CNTNAP5: variants seen among roughly 807,000 people sequenced by gnomAD.
CNTNAP5 encodes the protein contactin associated protein family member 5.
In CNTNAP5, 72 loss-of-function variants were observed where a neutral mutation model predicts 150.2. The observed-to-expected ratio is 0.48, with a 90% CI of 0.40 to 0.58. The LOEUF is 0.58. Among genes scored for constraint, CNTNAP5 ranks in the 20% least tolerant of loss-of-function variants. The pLI is 0.00. For synonymous variants in CNTNAP5, 672 were observed against 619.8 expected, an observed-to-expected ratio of 1.08 and a Z score of -1.25; for missense variants, 1,636 against 1,626.2, an observed-to-expected ratio of 1.01 and a Z score of -0.10.
At chr2:124,903,456 TG>T (rs1678456599) in intron 22 of CNTNAP5, among the ~76,000 whole-genome samples, 1 of 152,148 alleles carries the variant, frequency 6.6e-6, no homozygotes, top group Non-Finnish European at 1.5e-5. Context: ...GGCAGCAAGC[TG>T]GTACCTGAAC....
intron 2 of CNTNAP5, among the ~76,000 whole-genome samples, chr2:124,224,613 T>TA (rs1470563878): frequency 6.6e-6 from 1 of 151,984 alleles, no homozygotes; most frequent in Admixed American, 6.6e-5. Context: ...AATATATTCA[T>TA]ACATAGTAGG....
intron 1 of CNTNAP5, among the ~76,000 whole-genome samples, chr2:124,184,367 A>G (rs544901541): frequency 6.6e-6 from 1 of 152,350 alleles, no homozygotes; most frequent in African/African-American, 2.4e-5. Context: ...ATGGTGAAGC[A>G]GCACGCTGGT....
At chr2:124,196,060 A>C (rs1685574761) in intron 1 of CNTNAP5, among the ~76,000 whole-genome samples, 1 of 147,314 alleles carries the variant, frequency 6.8e-6, no homozygotes. Flanking sequence ...ATACCAGGTA[A>C]AAAATAGCAG....
intron 1 of CNTNAP5, among the ~76,000 whole-genome samples, chr2:124,086,048 A>G (rs1420685528): frequency 6.6e-6 from 1 of 152,140 alleles, no homozygotes. Flanking sequence ...TGTTGTATCA[A>G]TCATGTAGAG....
At chr2:124,764,254 A>C in intron 16 of CNTNAP5, 107 bp downstream of exon 16, 19 of 807,342 alleles carry the variant, frequency 2.4e-5, no homozygotes, top group Non-Finnish European at 3.3e-5. Context: ...AATTAATCTC[A>C]CTGGACATCT....
At chr2:124,734,504 A>G (rs1680341589) in intron 13 of CNTNAP5, among the ~76,000 whole-genome samples, 1 of 152,022 alleles carries the variant, frequency 6.6e-6, no homozygotes, top group Admixed American at 6.6e-5. Flanking sequence ...GCTAGCGAAG[A>G]AAGAGTAACT....
chr2:124,638,978 C>T (rs142430894), intron 12 of CNTNAP5, among the ~76,000 whole-genome samples: 69 of 152,280 alleles, frequency 4.5e-4, no homozygotes, highest in African/African-American at 1.5e-3. Flanking sequence ...TATATAACCT[C>T]GGCTGCACAG....
intron 4 of CNTNAP5, among the ~76,000 whole-genome samples, chr2:124,429,706 G>A (rs1414373554): frequency 3.3e-5 from 5 of 152,278 alleles, no homozygotes; most frequent in East Asian, 1.9e-4. Context: ...TAAAGGCCGT[G>A]CATCCTCTCT....
intron 16 of CNTNAP5, 101 bp from the exon 17 acceptor site, chr2:124,772,698 C>G (rs1681229984): frequency 1.2e-6 from 1 of 819,954 alleles, no homozygotes; most frequent in South Asian, 1.5e-5. Context: ...GAAGTCTTCT[C>G]TATATTGATA....
At chr2:124,747,199 C>T (rs1474804309) in intron 13 of CNTNAP5, 30 bp from the exon 14 acceptor site, 1 of 1,606,072 alleles carries the variant, frequency 6.2e-7, no homozygotes, top group Non-Finnish European at 8.5e-7. Context: ...GCTTGCCCTA[C>T]CCTGACTGGT....
At chr2:124,786,382 AGAAAGAAAGAAAGAAAGAAGGAAG>A (rs1244710540) in intron 17 of CNTNAP5, among the ~76,000 whole-genome samples, 21 of 88,348 alleles carry the variant, frequency 2.4e-4, no homozygotes, top group Non-Finnish European at 3.4e-4. Context: ...AAAGAAAGAA[AGAAAGAAAGAAAGAAAGAAGGAAG>A]GAAGGAAGGA....
At chr2:124,806,626 G>T (rs1222046829) in intron 19 of CNTNAP5, among the ~76,000 whole-genome samples, 4 of 152,166 alleles carry the variant, frequency 2.6e-5, no homozygotes, top group African/African-American at 9.7e-5. Flanking sequence ...AGCAATGCTG[G>T]TTGCTTACAG....
rs138967508 is a variant in CNTNAP5, at chr2:124,323,453, G to C, written c.381+81060G>C. ...CATACCCTTCAGCAATGTGTCTCTT[G>C]CATCACTGAAGCTGTGCAAGGGAAT... is the stretch of plus-strand genomic sequence containing the variant. On this transcript the variant is annotated intron_variant, in intron 3 of 23. Transcript: ENST00000682447. 8.4e-3 allele frequency among the ~76,000 whole-genome samples: 1,273 copies of C among 152,256 alleles called. 26 individuals are homozygous for C. Among genetic ancestry groups the C allele is most frequent in the African/African-American group, 0.029 (1,214 of 41,526 alleles).
At chr2:124,281,318 C>T (rs898663649) in intron 3 of CNTNAP5, among the ~76,000 whole-genome samples, 2 of 152,126 alleles carry the variant, frequency 1.3e-5, no homozygotes, top group African/African-American at 4.8e-5. Flanking sequence ...TAAACATATT[C>T]TTTAAACTTT....
Position 124,524,436 on chromosome 2 carries a change from T to C in CNTNAP5, c.1461T>C (p.Asn487=). 12 of 1,612,202 alleles carry C rather than the reference T, an allele frequency of 7.4e-6. No individual in the cohort carries two copies. Among genetic ancestry groups the C allele is most frequent in the Non-Finnish European group, 1.0e-5 (12 of 1,179,002 alleles). The part of the protein sequence containing the change: ...DSTWVQIYSG[N]SYYFGGCPDN... ...CTTGGGTGCAGATTTATTCTGGAAA[T>C]AGCTACTATTTTGGAGGTAAATTCT... The change falls in exon 9 of 24, where the codon AAT becomes AAC. Residue 487 remains asparagine, a synonymous_variant. Transcript: ENST00000682447.
intron 1 of CNTNAP5, among the ~76,000 whole-genome samples, chr2:124,048,704 C>T (rs1224126746): frequency 6.6e-6 from 1 of 152,136 alleles, no homozygotes; most frequent in East Asian, 1.9e-4. Flanking sequence ...TTTATTCCCC[C>T]TTTAACCTGA....
chr2:124,370,056 A>G (rs1375025933), intron 3 of CNTNAP5, among the ~76,000 whole-genome samples: 1 of 152,200 alleles, frequency 6.6e-6, no homozygotes, highest in Non-Finnish European at 1.5e-5. Context: ...CTATAATTAA[A>G]GACAATGTAT....
chr2:124,459,525 G>C (rs989804522), intron 6 of CNTNAP5, among the ~76,000 whole-genome samples: 1 of 152,004 alleles, frequency 6.6e-6, no homozygotes, highest in Non-Finnish European at 1.5e-5. Context: ...GAGGCAGGTG[G>C]ATCACCTGAG....
At chr2:124,636,275 G>A (rs1433067157) in intron 12 of CNTNAP5, among the ~76,000 whole-genome samples, 1 of 152,010 alleles carries the variant, frequency 6.6e-6, no homozygotes, top group African/African-American at 2.4e-5. Flanking sequence ...TAAGTTTGTT[G>A]TGAAGCTTCT....
Sources: gnomAD v4.1 joint callset for allele counts (sites outside exome capture counted in the v4.1 genomes callset) on GRCh38, gnomAD v4.1.1 for gene constraint, MANE v1.5 for transcripts, NCBI Gene and HGNC (gene_info 2026-07-23, HGNC 2026-07-21) for gene names.